OR4F17: variants seen among roughly 807,000 people sequenced by gnomAD.
The protein encoded by OR4F17 is olfactory receptor 4F17.
For synonymous variants in OR4F17, 1 was observed against 120.7 expected (o/e 0.01, Z 6.50); for missense variants, 1 against 323.6 (o/e 0.00, Z 7.65).
At chr19:109,305 CAGA>C (rs1968674898) in intron 2 of OR4F17, among the ~76,000 whole-genome samples, 1 of 145,678 alleles carries the variant, frequency 6.9e-6, no homozygotes, top group South Asian at 2.3e-4. Flanking sequence ...AACTCATGCC[CAGA>C]AGTCAGTGTT....
At chr19:107,863 ATTTTATT>A (rs1968635979) in intron 2 of OR4F17, among the ~76,000 whole-genome samples, 1 of 95,158 alleles carries the variant, frequency 1.1e-5, no homozygotes, top group African/African-American at 4.0e-5. Context: ...TATAATATAT[ATTTTATT>A]ATATAATATA....
At chr19:108,186 T>TTATATATTATATAAATA (rs1968654741) in intron 2 of OR4F17, among the ~76,000 whole-genome samples, 1 of 135,088 alleles carries the variant, frequency 7.4e-6, no homozygotes, top group African/African-American at 2.7e-5. Context: ...ATAAATATAT[T>TTATATATTATATAAATA]TATATATTAT....
chr19:108,204 T>C (rs1826278988), intron 2 of OR4F17, among the ~76,000 whole-genome samples: 1 of 134,564 alleles, frequency 7.4e-6, no homozygotes, highest in South Asian at 2.2e-4. Context: ...TATATAAATA[T>C]ATATATTATA....
intron 2 of OR4F17, among the ~76,000 whole-genome samples, chr19:110,021 A>G (rs1334945437): frequency 2.7e-5 from 4 of 147,320 alleles, no homozygotes; most frequent in Non-Finnish European, 6.0e-5. Flanking sequence ...TCTTGTCTCT[A>G]TAATAAAACA....
intron 2 of OR4F17, among the ~76,000 whole-genome samples, chr19:108,117 ATATAT>A (rs1274200708): frequency 6.1e-5 from 8 of 131,402 alleles, no homozygotes; most frequent in East Asian, 2.2e-4. Flanking sequence ...AGAATATAAT[ATATAT>A]TATATTTATA....
At chr19:108,132 A>G in intron 2 of OR4F17, among the ~76,000 whole-genome samples, 1 of 130,944 alleles carries the variant, frequency 7.6e-6, no homozygotes, top group African/African-American at 2.8e-5. Flanking sequence ...TTATATTTAT[A>G]TATAACATAT....
chr19:110,339 A>G (rs1336770785), intron 2 of OR4F17, among the ~76,000 whole-genome samples: 1 of 150,138 alleles, frequency 6.7e-6, no homozygotes, highest in Admixed American at 6.7e-5. Context: ...AGATAAACAT[A>G]GAGTTATGGC....
At chr19:108,748 T>G (rs1487824857) in intron 2 of OR4F17, among the ~76,000 whole-genome samples, 1 of 152,060 alleles carries the variant, frequency 6.6e-6, no homozygotes, top group African/African-American at 2.4e-5. Context: ...AGGACAGAAA[T>G]TATCTCACAA....
At position 108,155 on chromosome 19, in the gene OR4F17, AATATGTATAATATATATTATATAAAT is replaced by A. The variant is rs1968653354; in HGVS notation, c.-55+605_-55+630del. On this transcript the variant is annotated intron_variant, in intron 2 of 2. Coordinates refer to ENST00000585993, the MANE Select transcript of OR4F17 (RefSeq NM_001005240.3). ...ATATATAACATATATTATTATATAA[AATATGTATAATATATATTATATAAAT>A]ATATTTATATATTATATAAATATAT... Among the ~76,000 whole-genome samples the A allele has an allele frequency of 2.2e-5, 3 of 134,298 alleles. No homozygotes were observed. In the Admixed American group the frequency reaches 2.7e-4, roughly 12 times the overall value. 88.1% of individuals were successfully genotyped at this position (134,298 alleles called of 152,430 possible).
chr19:109,995 A>C (rs1418213028), intron 2 of OR4F17, among the ~76,000 whole-genome samples: 2 of 147,814 alleles, frequency 1.4e-5, no homozygotes, highest in Non-Finnish European at 3.0e-5. Context: ...ACAATCATTC[A>C]AAATTTTTCA....
Sources: gnomAD v4.1 joint callset for allele counts (sites outside exome capture counted in the v4.1 genomes callset) on GRCh38, gnomAD v4.1.1 for gene constraint, MANE v1.5 for transcripts, NCBI Gene and HGNC (gene_info 2026-07-23, HGNC 2026-07-21) for gene names.